Variants in DMRT1 observed in about 807,000 individuals in gnomAD.
DMRT1 encodes the protein doublesex and mab-3 related transcription factor 1, also known as doublesex- and mab-3-related transcription factor 1.
Under a neutral mutation model 32.3 loss-of-function variants are expected in DMRT1, and 7 were observed. The observed-to-expected ratio is 0.22, with a 90% CI of 0.12 to 0.41. The LOEUF (loss-of-function observed/expected upper bound fraction) is 0.41, where lower values mean the gene tolerates loss of function less well. DMRT1 is among the 10% of genes least tolerant of loss of function. DMRT1 has a pLI of 1.00. For missense variants in DMRT1, 625 were observed against 500.5 expected, an observed-to-expected ratio of 1.25 and a Z score of -2.37; for synonymous variants, 278 against 206.1, an observed-to-expected ratio of 1.35 and a Z score of -2.99.
intron 2 of DMRT1, among the ~76,000 whole-genome samples, chr9:887,206 C>G (rs1363282769): frequency 6.6e-6 from 1 of 152,190 alleles, no homozygotes; most frequent in African/African-American, 2.4e-5. Context: ...CTCAAACAAA[C>G]AAACAATGTA....
chr9:918,762 T>C (rs1443737631), intron 4 of DMRT1, among the ~76,000 whole-genome samples: 1 of 152,154 alleles, frequency 6.6e-6, no homozygotes, highest in Non-Finnish European at 1.5e-5. Flanking sequence ...GGAATTATCT[T>C]CGAGAAGGAG....
In DMRT1 at chr9:901,402, C is replaced by T. The variant is rs562959711; in HGVS notation, c.822+7207C>T. 1.9e-3 allele frequency among the ~76,000 whole-genome samples: 289 copies of T among 152,206 alleles called. 3 individuals carry two copies. The highest frequency in any genetic ancestry group is 3.2e-3 in the Admixed American group (49 of 15,294). On this transcript the variant is annotated intron_variant, in intron 3 of 4. Coordinates refer to ENST00000382276, the MANE Select transcript of DMRT1 (RefSeq NM_021951.3). ...AGTGCAGTGGCGCGATCTCGGCTCA[C>T]TGCAACCTCTGCCTCCCGGGTTCAA...
At chr9:955,825 T>C (rs937563395) in intron 4 of DMRT1, among the ~76,000 whole-genome samples, 1 of 152,218 alleles carries the variant, frequency 6.6e-6, no homozygotes, top group South Asian at 2.1e-4. Flanking sequence ...TTGGAACTCT[T>C]GTGCATTACC....
At chr9:900,246 C>T (rs997546259) in intron 3 of DMRT1, among the ~76,000 whole-genome samples, 20 of 152,122 alleles carry the variant, frequency 1.3e-4, no homozygotes, top group African/African-American at 1.2e-4. Context: ...GTTCCTGGCC[C>T]GGTGCTCCAG....
chr9:909,181 A>G (rs1288019143), intron 3 of DMRT1, among the ~76,000 whole-genome samples: 1 of 152,108 alleles, frequency 6.6e-6, no homozygotes, highest in African/African-American at 2.4e-5. Flanking sequence ...CTCTGGACAC[A>G]AAAGGAAAGG....
intron 2 of DMRT1, among the ~76,000 whole-genome samples, chr9:864,603 A>C (rs1450762818): frequency 2.7e-5 from 4 of 147,600 alleles, no homozygotes; most frequent in African/African-American, 1.0e-4. Context: ...GGCTCATGCC[A>C]TTCTCCTTCC....
rs558717739 is a variant in DMRT1 at position 858,505 on chromosome 9, T to C, written c.538+11362T>C. On this transcript the variant is annotated intron_variant, in intron 2 of 4. Coordinates refer to ENST00000382276, the MANE Select transcript of DMRT1 (RefSeq NM_021951.3). Reference sequence around the variant, plus strand: ...CTTTTGGAGTCTTGTGAATGCCTTTTTGTCCTCTTTTTATATTAATTAACT... The same window carrying C: ...CTTTTGGAGTCTTGTGAATGCCTTTCTGTCCTCTTTTTATATTAATTAACT... Among the ~76,000 whole-genome samples the C allele has an allele frequency of 3.3e-5, 5 of 150,370 alleles. No homozygotes were observed. The East Asian group carries it at 5.8e-4, about 17-fold the overall frequency.
chr9:911,230 G>A (rs533365782), intron 3 of DMRT1, among the ~76,000 whole-genome samples: 1 of 152,182 alleles, frequency 6.6e-6, no homozygotes, highest in East Asian at 1.9e-4. Context: ...TCAACTCCCT[G>A]CCCCCTTGTC....
At chr9:933,964 T>C (rs951386451) in intron 4 of DMRT1, among the ~76,000 whole-genome samples, 5 of 152,020 alleles carry the variant, frequency 3.3e-5, no homozygotes, top group African/African-American at 9.7e-5. Flanking sequence ...GACAGACTTA[T>C]TGAGTGACTG....
At chr9:951,519 C>G (rs1819426411) in intron 4 of DMRT1, among the ~76,000 whole-genome samples, 2 of 152,194 alleles carry the variant, frequency 1.3e-5, no homozygotes, top group African/African-American at 4.8e-5. Flanking sequence ...ATTTGCCCTG[C>G]CCCTAAAGAT....
Position 968,124 on chromosome 9 carries a change from CGAG to C in DMRT1, c.1113_1115del (p.Glu371del), listed in dbSNP as rs1360047350. ...GCAGCTTCACAGTCACTCCCGTCATCGAGGAGGACGAGTGAGCAGTGCCTGCTG... is the reference window on the plus strand; with the variant it reads ...GCAGCTTCACAGTCACTCCCGTCATCGAGGACGAGTGAGCAGTGCCTGCTG... On this transcript the variant is annotated inframe_deletion, in exon 5 of 5. Transcript: ENST00000382276. The C allele has an allele frequency of 8.7e-6, 14 of 1,611,662 alleles. No homozygotes were observed. In the African/African-American group the frequency reaches 9.6e-5, roughly 11 times the overall value.
chr9:851,028 CA>C (rs869227462), intron 2 of DMRT1, among the ~76,000 whole-genome samples: 22 of 94,788 alleles, frequency 2.3e-4, no homozygotes, highest in East Asian at 2.3e-3. Context: ...GACTCTATCT[CA>C]AAAAAAAAAA....
intron 4 of DMRT1, among the ~76,000 whole-genome samples, chr9:924,459 G>A (rs1219200845): frequency 6.6e-6 from 1 of 152,172 alleles, no homozygotes; most frequent in African/African-American, 2.4e-5. Flanking sequence ...GATCACATAA[G>A]GAATTATGTA....
intron 2 of DMRT1, among the ~76,000 whole-genome samples, chr9:892,780 T>C (rs1340385796): frequency 6.6e-6 from 1 of 152,160 alleles, no homozygotes; most frequent in Non-Finnish European, 1.5e-5. Flanking sequence ...CCGCCTCACC[T>C]TACCCTAGCC....
intron 4 of DMRT1, among the ~76,000 whole-genome samples, chr9:940,509 G>A (rs1819029229): frequency 6.6e-6 from 1 of 150,954 alleles, no homozygotes; most frequent in Admixed American, 6.6e-5. Context: ...AAAAAAAAAT[G>A]AAGTTGGAGT....
At chr9:868,010 C>G (rs1816066449) in intron 2 of DMRT1, among the ~76,000 whole-genome samples, 1 of 152,196 alleles carries the variant, frequency 6.6e-6, no homozygotes, top group African/African-American at 2.4e-5. Context: ...GAGACAGGGT[C>G]TCTATCGCCC....
chr9:926,140 G>A (rs1818516576), intron 4 of DMRT1, among the ~76,000 whole-genome samples: 1 of 148,320 alleles, frequency 6.7e-6, no homozygotes, highest in African/African-American at 2.5e-5. Context: ...AAACTCAAAA[G>A]CAAACTTAAA....
At chr9:951,402 C>G (rs1315106935) in intron 4 of DMRT1, among the ~76,000 whole-genome samples, 1 of 152,162 alleles carries the variant, frequency 6.6e-6, no homozygotes, top group Non-Finnish European at 1.5e-5. Context: ...AAGAATGCGT[C>G]TTTTCTGTAA....
intron 2 of DMRT1, among the ~76,000 whole-genome samples, chr9:893,158 AC>A (rs1388333906): frequency 6.6e-6 from 1 of 152,148 alleles, no homozygotes; most frequent in Admixed American, 6.5e-5. Context: ...CGTTTCAGGC[AC>A]CCGGACTGGC....
Sources: allele counts gnomAD v4.1 joint callset (sites outside exome capture counted in the v4.1 genomes callset), GRCh38; gene constraint gnomAD v4.1.1; transcripts MANE v1.5; gene names NCBI Gene and HGNC (gene_info 2026-07-23, HGNC 2026-07-21).